TMEM163: variants seen among roughly 807,000 people sequenced by gnomAD.
The protein encoded by TMEM163 is transmembrane protein 163.
A neutral mutation model predicts 29.3 loss-of-function variants in TMEM163; 17 were observed. The observed-to-expected ratio is 0.58, with a 90% confidence interval of 0.40 to 0.87. The LOEUF (loss-of-function observed/expected upper bound fraction) is 0.87, where lower values mean the gene tolerates loss of function less well. TMEM163 is among the 40% of genes least tolerant of loss of function. TMEM163 has a pLI of 0.00. For missense variants in TMEM163, 303 were observed against 381.5 expected, an observed-to-expected ratio of 0.79 and a Z score of 1.71; for synonymous variants, 157 against 160.6, an observed-to-expected ratio of 0.98 and a Z score of 0.17.
chr2:134,580,810 G>C (rs1681675019), intron 2 of TMEM163, among the ~76,000 whole-genome samples: 1 of 152,150 alleles, frequency 6.6e-6, no homozygotes, highest in Non-Finnish European at 1.5e-5. Flanking sequence ...GTACTCAGGG[G>C]GCTGAGGCAG....
intron 2 of TMEM163, among the ~76,000 whole-genome samples, chr2:134,700,423 A>G (rs1042203121): frequency 4.9e-4 from 75 of 152,184 alleles, no homozygotes; most frequent in African/African-American, 1.8e-3. Context: ...ATTCTGGATA[A>G]GCTCCTCTGA....
chr2:134,611,438 A>G (rs72986204), intron 2 of TMEM163, among the ~76,000 whole-genome samples: 1 of 152,352 alleles, frequency 6.6e-6, no homozygotes, highest in Middle Eastern at 3.4e-3. Flanking sequence ...AGCTATTTCT[A>G]TGGAGTACAG....
chr2:134,456,801 T>C, intron 7 of TMEM163, 25 bp from the exon 8 acceptor site: 1 of 1,611,962 alleles, frequency 6.2e-7, no homozygotes, highest in Non-Finnish European at 8.5e-7. Flanking sequence ...ACAGACAAGG[T>C]CACCTCCATG....
intron 2 of TMEM163, among the ~76,000 whole-genome samples, chr2:134,648,582 G>A (rs190987069): frequency 2.0e-5 from 3 of 152,164 alleles, no homozygotes; most frequent in African/African-American, 7.2e-5. Flanking sequence ...TACATATTAA[G>A]GATATGGAAA....
chr2:134,667,973 C>T (rs1057401449), intron 2 of TMEM163, among the ~76,000 whole-genome samples: 1 of 152,140 alleles, frequency 6.6e-6, no homozygotes, highest in Non-Finnish European at 1.5e-5. Context: ...AAGCACTGGC[C>T]CAGCTGCTGG....
At chr2:134,693,152 G>T (rs1684506159) in intron 2 of TMEM163, among the ~76,000 whole-genome samples, 2 of 152,074 alleles carry the variant, frequency 1.3e-5, no homozygotes, top group African/African-American at 4.8e-5. Context: ...TAGAGATTCT[G>T]CCCTCCCCAC....
intron 2 of TMEM163, among the ~76,000 whole-genome samples, chr2:134,711,306 C>T (rs1320432131): frequency 6.6e-6 from 1 of 152,110 alleles, no homozygotes; most frequent in East Asian, 1.9e-4. Context: ...AAATATGAAA[C>T]ACATACACAC....
At position 134,460,800 on chromosome 2, in the gene TMEM163, T is replaced by A. The variant is rs1387494124; in HGVS notation, c.668-2627A>T. On this transcript the variant is annotated intron_variant, in intron 6 of 7. Transcript: ENST00000281924. The surrounding 1 kb of genome is among the most constrained non-coding windows in gnomAD (Gnocchi z 4.3). ...TATTCCTGACAGCAGGTCCACCAGG[T>A]GTTCCCCGACACCCCACAGCTGAGA... 6.6e-6 allele frequency among the ~76,000 whole-genome samples: 1 copy of A among 152,130 alleles called. No individual in the cohort carries two copies. The highest frequency in any genetic ancestry group is 1.9e-4 in the East Asian group (1 of 5,200).
chr2:134,473,009 G>A (rs1686837694), intron 5 of TMEM163, among the ~76,000 whole-genome samples: 1 of 151,840 alleles, frequency 6.6e-6, no homozygotes, highest in Non-Finnish European at 1.5e-5. Context: ...AAGTCACCAG[G>A]GAAATTACAA....
chr2:134,503,020 A>C, intron 4 of TMEM163, 23 bp from the exon 5 acceptor site: 1 of 1,596,826 alleles, frequency 6.3e-7, no homozygotes, highest in Non-Finnish European at 8.6e-7. Flanking sequence ...AAACATTGAG[A>C]ATCTTAACTG....
At chr2:134,639,775 T>C (rs1683187305) in intron 2 of TMEM163, among the ~76,000 whole-genome samples, 1 of 152,200 alleles carries the variant, frequency 6.6e-6, no homozygotes, top group South Asian at 2.1e-4. Flanking sequence ...CAAACCACCG[T>C]TGACAATGAA....
intron 4 of TMEM163, among the ~76,000 whole-genome samples, chr2:134,507,855 T>TCA (rs140934225): frequency 0.018 from 2,676 of 150,666 alleles, 26 homozygotes; most frequent in Non-Finnish European, 0.023. Context: ...AGACCCTGTC[T>TCA]CACACACACA....
intron 2 of TMEM163, among the ~76,000 whole-genome samples, chr2:134,633,980 T>C (rs1415350169): frequency 7.9e-4 from 11 of 13,956 alleles, no homozygotes; most frequent in African/African-American, 4.4e-3. Context: ...TATATATATA[T>C]ATATATATAT....
intron 5 of TMEM163, among the ~76,000 whole-genome samples, chr2:134,501,524 T>G (rs1257231213): frequency 6.6e-6 from 1 of 152,194 alleles, no homozygotes; most frequent in Non-Finnish European, 1.5e-5. Flanking sequence ...AACAAACATT[T>G]CTCAGAGTGG....
At chr2:134,507,224 T>G (rs1679844630) in intron 4 of TMEM163, among the ~76,000 whole-genome samples, 1 of 151,878 alleles carries the variant, frequency 6.6e-6, no homozygotes, top group South Asian at 2.1e-4. Context: ...TAATCCCAGC[T>G]ACTTGGGAGG....
chr2:134,714,110 A>T (rs996009001), intron 1 of TMEM163, among the ~76,000 whole-genome samples: 4 of 152,176 alleles, frequency 2.6e-5, no homozygotes, highest in African/African-American at 9.7e-5. Context: ...AATTCATAAC[A>T]ACTCCCAGGC....
intron 5 of TMEM163, among the ~76,000 whole-genome samples, chr2:134,477,795 C>T (rs960611124): frequency 6.6e-6 from 1 of 152,176 alleles, no homozygotes; most frequent in African/African-American, 2.4e-5. Flanking sequence ...ACATGGACCT[C>T]ATAGCACTTT....
chr2:134,487,685 G>T (rs1431959950), intron 5 of TMEM163, among the ~76,000 whole-genome samples: 1 of 152,106 alleles, frequency 6.6e-6, no homozygotes, highest in East Asian at 1.9e-4. Flanking sequence ...GAACAAAATG[G>T]ACCCACGCAT....
At chr2:134,610,522 G>T (rs1434013951) in intron 2 of TMEM163, among the ~76,000 whole-genome samples, 4 of 152,218 alleles carry the variant, frequency 2.6e-5, no homozygotes, top group African/African-American at 9.7e-5. Context: ...TGCTGCTGAT[G>T]ATCTGGGACC....
Sources: allele counts gnomAD v4.1 joint callset (sites outside exome capture counted in the v4.1 genomes callset), GRCh38; gene constraint gnomAD v4.1.1; non-coding constraint Gnocchi (gnomAD v3.1); transcripts MANE v1.5; gene names NCBI Gene and HGNC (gene_info 2026-07-23, HGNC 2026-07-21).